HYCC2: variants seen among roughly 807,000 people sequenced by gnomAD.
HYCC2 encodes the protein hyccin 2.
At chr2:201,034,000 T>C in the HYCC2 span, among the ~76,000 whole-genome samples, 1 of 151,512 alleles carries the variant, frequency 6.6e-6, no homozygotes, top group African/African-American at 2.4e-5. Context: ...AAGTACCATC[T>C]CCAGGCTAAA....
chr2:201,034,987 G>A, the HYCC2 span, among the ~76,000 whole-genome samples: 5 of 152,204 alleles, frequency 3.3e-5, no homozygotes, highest in South Asian at 1.0e-3. Context: ...AGTCTGATGG[G>A]CTTCCCTTTG....
the HYCC2 span, among the ~76,000 whole-genome samples, chr2:200,982,298 C>T: frequency 3.3e-5 from 5 of 151,908 alleles, no homozygotes; most frequent in South Asian, 1.0e-3. Flanking sequence ...AAAAGAGACC[C>T]TCTTCTAATT....
At chr2:201,008,131 C>G in the HYCC2 span, among the ~76,000 whole-genome samples, 2 of 152,116 alleles carry the variant, frequency 1.3e-5, no homozygotes, top group Non-Finnish European at 2.9e-5. Context: ...TGGGAACTCC[C>G]AAAACTTTCA....
the HYCC2 span, among the ~76,000 whole-genome samples, chr2:201,042,468 GAA>G: frequency 6.6e-6 from 1 of 151,736 alleles, no homozygotes; most frequent in Non-Finnish European, 1.5e-5. Context: ...TCTGAGATGT[GAA>G]GAGTGCCTCT....
At chr2:201,016,021 C>T in the HYCC2 span, among the ~76,000 whole-genome samples, 5 of 152,122 alleles carry the variant, frequency 3.3e-5, no homozygotes, top group South Asian at 4.1e-4. Flanking sequence ...CATGTCTTTT[C>T]GAACACAGCA....
At chr2:201,039,051 T>C in the HYCC2 span, among the ~76,000 whole-genome samples, 1 of 152,180 alleles carries the variant, frequency 6.6e-6, no homozygotes, top group African/African-American at 2.4e-5. Flanking sequence ...ACACCTGGCA[T>C]TCTCTCCCAG....
the HYCC2 span, chr2:200,978,039 T>A: frequency 7.9e-5 from 12 of 152,326 alleles, 1 homozygote; most frequent in African/African-American, 2.9e-4. Flanking sequence ...AAATATCTTT[T>A]TCATAGATGA....
the HYCC2 span, among the ~76,000 whole-genome samples, chr2:201,027,834 T>C: frequency 6.6e-6 from 1 of 152,174 alleles, no homozygotes; most frequent in Non-Finnish European, 1.5e-5. Context: ...AACAGCTATT[T>C]ATGACAACCT....
the HYCC2 span, among the ~76,000 whole-genome samples, chr2:201,007,383 A>G: frequency 6.6e-6 from 1 of 152,306 alleles, no homozygotes; most frequent in Admixed American, 6.5e-5. Flanking sequence ...CACAAAGCCT[A>G]TTTTATATTT....
the HYCC2 span, among the ~76,000 whole-genome samples, chr2:200,999,356 G>A: frequency 6.6e-6 from 1 of 151,610 alleles, no homozygotes; most frequent in Non-Finnish European, 1.5e-5. Context: ...TATTAACATG[G>A]TCAGAGCTTC....
chr2:201,002,200 G>C, the HYCC2 span, among the ~76,000 whole-genome samples: 22 of 149,550 alleles, frequency 1.5e-4, no homozygotes, highest in Non-Finnish European at 3.0e-4. Flanking sequence ...TTGGGAGGTC[G>C]AGGTGGGAGG....
At chr2:201,038,125 A>T in the HYCC2 span, among the ~76,000 whole-genome samples, 2 of 152,348 alleles carry the variant, frequency 1.3e-5, no homozygotes, top group East Asian at 3.9e-4. Context: ...TTATGCAGCC[A>T]AAAGACACAT....
At chr2:201,018,299 A>G in the HYCC2 span, among the ~76,000 whole-genome samples, 2 of 152,196 alleles carry the variant, frequency 1.3e-5, no homozygotes, top group African/African-American at 4.8e-5. Flanking sequence ...TAAAATTCAT[A>G]TAAAATATTG....
the HYCC2 span, among the ~76,000 whole-genome samples, chr2:200,995,845 T>C: frequency 2.0e-5 from 3 of 152,152 alleles, no homozygotes; most frequent in Non-Finnish European, 2.9e-5. Flanking sequence ...GCTCAATTTG[T>C]AGCAATTTAT....
At chr2:201,047,795 ACTGTTAAAGGGC>A in the HYCC2 span, among the ~76,000 whole-genome samples, 9,329 of 151,126 alleles carry the variant, frequency 0.062, 512 homozygotes, top group South Asian at 0.27. Flanking sequence ...ATAGAATAAC[ACTGTTAAAGGGC>A]CAAAGAGAAA....
chr2:201,051,228 T>C, the HYCC2 span, among the ~76,000 whole-genome samples: 2 of 152,090 alleles, frequency 1.3e-5, no homozygotes, highest in African/African-American at 4.8e-5. Flanking sequence ...GAAAAATTCA[T>C]AAAGAATATC....
the HYCC2 span, among the ~76,000 whole-genome samples, chr2:201,032,947 A>G: frequency 6.6e-6 from 1 of 152,124 alleles, no homozygotes; most frequent in Non-Finnish European, 1.5e-5. Flanking sequence ...AACATTTTAA[A>G]TGGTTTAAAT....
the HYCC2 span, among the ~76,000 whole-genome samples, chr2:201,004,218 GA>G: frequency 6.6e-6 from 1 of 152,130 alleles, no homozygotes; most frequent in African/African-American, 2.4e-5. Context: ...TGCCTGTATG[GA>G]AAAAAACAGG....
At chr2:201,019,622 A>G in the HYCC2 span, among the ~76,000 whole-genome samples, 1 of 151,962 alleles carries the variant, frequency 6.6e-6, no homozygotes, top group Admixed American at 6.6e-5. Flanking sequence ...GTGTGGTGGC[A>G]CGCACCTGGG....
Sources: allele counts gnomAD v4.1 joint callset (sites outside exome capture counted in the v4.1 genomes callset), GRCh38; gene constraint gnomAD v4.1.1; transcripts MANE v1.5; gene names NCBI Gene and HGNC (gene_info 2026-07-23, HGNC 2026-07-21).